DOCK8: variants seen among roughly 807,000 people sequenced by gnomAD.
The protein encoded by DOCK8 is dedicator of cytokinesis 8, also known as dedicator of cytokinesis protein 8.
In DOCK8, 141 loss-of-function variants were observed where a neutral mutation model predicts 245.6. The observed-to-expected ratio is 0.57, with a 90% CI of 0.50 to 0.66. The LOEUF (loss-of-function observed/expected upper bound fraction) is 0.66. Ranked by LOEUF, DOCK8 falls within the 30% of genes least tolerant of loss-of-function variation. DOCK8 has a pLI of 0.00. For synonymous variants in DOCK8, 1,168 were observed against 970.2 expected (o/e 1.20, Z -3.79); for missense variants, 2,965 against 2,603.4 (o/e 1.14, Z -3.02).
At chr9:264,728 A>G (rs1413829371) in intron 1 of DOCK8, among the ~76,000 whole-genome samples, 3 of 152,194 alleles carry the variant, frequency 2.0e-5, no homozygotes, top group Admixed American at 6.5e-5. Flanking sequence ...TTAAAAGTGC[A>G]CTTTACTAAA....
intron 39 of DOCK8, 131 bp from the exon 40 acceptor site, chr9:439,114 C>G: frequency 8.7e-7 from 1 of 1,153,760 alleles, no homozygotes; most frequent in Non-Finnish European, 1.3e-6. Flanking sequence ...GGTAGAATTA[C>G]AGACCTAGTT....
At chr9:354,394 AT>A (rs1274204696) in intron 14 of DOCK8, among the ~76,000 whole-genome samples, 4 of 151,976 alleles carry the variant, frequency 2.6e-5, no homozygotes, top group Admixed American at 1.3e-4. Context: ...AAGTAAAACC[AT>A]TTTTTTTGAA....
Position 433,980 on chromosome 9 carries a change from G to A in DOCK8, c.4886+5G>A. 1 of 1,604,586 alleles carries A rather than the reference G, an allele frequency of 6.2e-7. No individual in the cohort carries two copies. Among genetic ancestry groups the A allele is most frequent in the South Asian group, 1.1e-5 (1 of 90,914 alleles). On this transcript the variant is annotated splice_donor_5th_base_variant and intron_variant, in intron 38 of 47. Transcript: ENST00000432829. Reference sequence around the variant, plus strand: ...GCTTATGGATCTCATGTACAGGTAAGCTTTCCTGACACACTCAAGGGACAC... The same window carrying A: ...GCTTATGGATCTCATGTACAGGTAAACTTTCCTGACACACTCAAGGGACAC...
chr9:349,796 A>G (rs2052070370), intron 14 of DOCK8, among the ~76,000 whole-genome samples: 1 of 152,210 alleles, frequency 6.6e-6, no homozygotes, highest in African/African-American at 2.4e-5. Flanking sequence ...AAATGTACAC[A>G]ATAGTCTCTG....
chr9:323,645 C>T (rs1032682269), intron 7 of DOCK8, among the ~76,000 whole-genome samples: 7 of 152,174 alleles, frequency 4.6e-5, no homozygotes, highest in Admixed American at 6.5e-5. Flanking sequence ...ACTCTGTACC[C>T]GTTAAACAAT....
chr9:372,492 C>G (rs549104513), intron 18 of DOCK8, among the ~76,000 whole-genome samples: 29 of 152,306 alleles, frequency 1.9e-4, no homozygotes, highest in Middle Eastern at 6.8e-3. Flanking sequence ...TAGACGCAAC[C>G]TACACCCAAG....
intron 23 of DOCK8, among the ~76,000 whole-genome samples, chr9:390,006 T>G (rs1213983133): frequency 6.6e-6 from 1 of 150,816 alleles, no homozygotes; most frequent in Non-Finnish European, 1.5e-5. Flanking sequence ...GGCGACAGAG[T>G]GCAGCCCTAT....
chr9:222,696 A>T (rs187428952), intron 1 of DOCK8, among the ~76,000 whole-genome samples: 119 of 152,356 alleles, frequency 7.8e-4, no homozygotes, highest in African/African-American at 2.8e-3. Flanking sequence ...CCTTACATGC[A>T]ACCATAAATG....
intron 26 of DOCK8, among the ~76,000 whole-genome samples, chr9:403,974 ATG>A (rs1168302901): frequency 2.0e-4 from 14 of 68,742 alleles, no homozygotes; most frequent in African/African-American, 1.3e-3. Flanking sequence ...ATATATATAT[ATG>A]TGTATATATA....
intron 1 of DOCK8, among the ~76,000 whole-genome samples, chr9:259,840 C>T (rs533571404): frequency 1.6e-4 from 24 of 152,310 alleles, no homozygotes; most frequent in Middle Eastern, 6.8e-3. Flanking sequence ...ACCAGCTTGT[C>T]GAGAGCTTTT....
intron 5 of DOCK8, 44 bp downstream of exon 5, chr9:304,748 T>C: frequency 6.2e-7 from 1 of 1,613,434 alleles, no homozygotes; most frequent in Non-Finnish European, 8.5e-7. Context: ...ACTGGGCTCT[T>C]CTGCCCAGGG....
chr9:371,381 A>G (rs2053278037), intron 16 of DOCK8, 47 bp from the exon 17 acceptor site: 2 of 1,612,270 alleles, frequency 1.2e-6, no homozygotes, highest in African/African-American at 1.3e-5. Context: ...CAGAGAAGTC[A>G]TCATTCTTGC....
At chr9:333,097 T>C (rs2051102294) in intron 10 of DOCK8, among the ~76,000 whole-genome samples, 1 of 151,982 alleles carries the variant, frequency 6.6e-6, no homozygotes, top group Non-Finnish European at 1.5e-5. Flanking sequence ...GGTTGGGAGG[T>C]CCGTGGAGAC....
chr9:252,445 C>A lies in DOCK8; in HGVS notation c.54-19182C>A, dbSNP rs192126365. Among the ~76,000 whole-genome samples, 394 of 152,198 alleles carry A rather than the reference C, an allele frequency of 2.6e-3. 2 individuals are homozygous for A. The highest frequency in any genetic ancestry group is 4.2e-3 in the Non-Finnish European group (287 of 68,012). ...GTTGTTATTCATTGGAATATGATTA[C>A]TGTGTAAGTTAGCATGAGAATATTG... On this transcript the variant is annotated intron_variant, in intron 1 of 47. Coordinates refer to ENST00000432829, the MANE Select transcript of DOCK8 (RefSeq NM_203447.4).
intron 14 of DOCK8, among the ~76,000 whole-genome samples, chr9:351,262 C>G (rs2052154078): frequency 6.6e-6 from 1 of 152,158 alleles, no homozygotes; most frequent in South Asian, 2.1e-4. Flanking sequence ...TCATCGGGGA[C>G]TGGATTGGAC....
intron 24 of DOCK8, among the ~76,000 whole-genome samples, chr9:392,057 G>C (rs937338190): frequency 6.0e-5 from 9 of 151,252 alleles, no homozygotes; most frequent in East Asian, 1.9e-4. Flanking sequence ...AGAATTGCTT[G>C]AACCTGGGAG....
At chr9:449,121 C>T (rs750254722) in intron 44 of DOCK8, among the ~76,000 whole-genome samples, 5 of 152,166 alleles carry the variant, frequency 3.3e-5, no homozygotes, top group Admixed American at 6.5e-5. Flanking sequence ...GAGGCCGAGG[C>T]AGGGGGATTG....
At chr9:225,610 G>C (rs1443075276) in intron 1 of DOCK8, among the ~76,000 whole-genome samples, 1 of 152,146 alleles carries the variant, frequency 6.6e-6, no homozygotes, top group African/African-American at 2.4e-5. Context: ...TATGTGCCTA[G>C]CACTATTCTA....
chr9:452,103 G>C lies in DOCK8; in HGVS notation c.6054G>C (p.Lys2018Asn), dbSNP rs1412147554. 6.2e-7 allele frequency: 1 copy of C among 1,609,318 alleles called. No individual in the cohort carries two copies. The highest frequency in any genetic ancestry group is 8.5e-7 in the Non-Finnish European group (1 of 1,177,402). Residue 2018 changes from lysine to asparagine, a missense_variant, in exon 46 of 48, where the codon AAG becomes AAC. By Grantham distance (94) the Lys-to-Asn change is moderately conservative. Coordinates refer to ENST00000432829, the MANE Select transcript of DOCK8 (RefSeq NM_203447.4). Reference protein sequence around the residue: ...RHHNKLRLCFKEFIMRCGEAV... With the variant: ...RHHNKLRLCFNEFIMRCGEAV... ...ACAACAAGTTGAGGTTATGCTTTAA[G>C]GAATTCATCATGAGGTAAGAAGGAA...
Sources: allele counts gnomAD v4.1 joint callset (sites outside exome capture counted in the v4.1 genomes callset), GRCh38; gene constraint gnomAD v4.1.1; transcripts MANE v1.5; gene names NCBI Gene and HGNC (gene_info 2026-07-23, HGNC 2026-07-21).